Variants in SYNE3 observed in about 807,000 individuals in gnomAD.
SYNE3 encodes nesprin-3.
A neutral mutation model predicts 111.2 loss-of-function variants in SYNE3; 100 were observed. The ratio of observed to expected loss-of-function variants is 0.90; its 90% CI spans 0.77 to 1.06. SYNE3 has a LOEUF of 1.06. Ranked by LOEUF, SYNE3 falls within the 50% of genes least tolerant of loss-of-function variation. The probability of loss-of-function intolerance (pLI) is 0.00; values close to 1 mark genes in which losing one functional copy is unlikely to be tolerated. For synonymous variants in SYNE3, 547 were observed against 533.9 expected (o/e 1.02, Z -0.34); for missense variants, 1,160 against 1,240.3 (o/e 0.94, Z 0.97).
chr14:95,455,419 C>T lies in SYNE3; in HGVS notation c.1095G>A (p.Ala365=), dbSNP rs758900940. Residue 365 remains alanine (A), a synonymous_variant, in exon 6 of 18, where the codon GCG becomes GCA. Transcript: ENST00000682763. The stretch of plus-strand genomic sequence containing the variant: ...GTGCCACCAGCTCGTCCTCGGTCCC[C>T]GCTTTCGCCGCAGGCTGCAGGCCCT... ...AQEGLQPAAK[A]GTEDELVAHW... 120 of 1,569,752 alleles carry T rather than the reference C, an allele frequency of 7.6e-5. No homozygotes were observed. Among genetic ancestry groups the T allele is most frequent in the Non-Finnish European group, 1.0e-4 (119 of 1,159,224 alleles).
chr14:95,425,779 A>G (rs981187153), intron 17 of SYNE3, among the ~76,000 whole-genome samples: 1 of 152,232 alleles, frequency 6.6e-6, no homozygotes, highest in African/African-American at 2.4e-5. Flanking sequence ...AAGTCTATAA[A>G]TTCAAAAGAG....
chr14:95,424,268 G>A (rs1595174527), intron 17 of SYNE3, among the ~76,000 whole-genome samples: 2 of 151,994 alleles, frequency 1.3e-5, no homozygotes, highest in East Asian at 3.9e-4. Context: ...TAAACCAGAG[G>A]CCTGGAAGGA....
At chr14:95,462,932 G>T (rs772326035) in intron 4 of SYNE3, among the ~76,000 whole-genome samples, 5 of 152,190 alleles carry the variant, frequency 3.3e-5, no homozygotes, top group Admixed American at 2.0e-4. Flanking sequence ...GGCCAAGGCG[G>T]ATCACCTGAG....
At chr14:95,478,854 C>T (rs535668374) in intron 1 of SYNE3, among the ~76,000 whole-genome samples, 1 of 152,186 alleles carries the variant, frequency 6.6e-6, no homozygotes, top group African/African-American at 2.4e-5. Flanking sequence ...CATCCCCTAT[C>T]TCAGGTGGTC....
At chr14:95,456,682 C>G (rs1250755805) in intron 5 of SYNE3, among the ~76,000 whole-genome samples, 1 of 152,148 alleles carries the variant, frequency 6.6e-6, no homozygotes, top group African/African-American at 2.4e-5. Context: ...TCCATAAAGC[C>G]TCTGAGGACC....
intron 1 of SYNE3, among the ~76,000 whole-genome samples, chr14:95,515,304 T>C (rs1566694576): frequency 6.6e-6 from 1 of 152,252 alleles, no homozygotes; most frequent in Non-Finnish European, 1.5e-5. Context: ...CCACATGTGC[T>C]GGAGCATCCC....
At chr14:95,515,985 C>A (rs2757081) in intron 1 of SYNE3, among the ~76,000 whole-genome samples, 6 of 152,032 alleles carry the variant, frequency 3.9e-5, no homozygotes, top group African/African-American at 9.7e-5. Flanking sequence ...CTCTCTCAGG[C>A]CCTGCAAGCC....
intron 1 of SYNE3, among the ~76,000 whole-genome samples, chr14:95,508,290 T>G (rs1369401742): frequency 2.0e-5 from 3 of 152,214 alleles, no homozygotes; most frequent in African/African-American, 7.2e-5. Flanking sequence ...CAGTAAGCAC[T>G]GAACAGGTAT....
chr14:95,455,951 TTAA>T, intron 5 of SYNE3: 2 of 517,278 alleles, frequency 3.9e-6, no homozygotes, highest in Non-Finnish European at 6.8e-6. Flanking sequence ...AGCCATTTGA[TTAA>T]GTCAAGGAGA....
At chr14:95,495,196 C>A (rs1890036908) in intron 1 of SYNE3, among the ~76,000 whole-genome samples, 1 of 152,204 alleles carries the variant, frequency 6.6e-6, no homozygotes. Context: ...ACTGATTAAG[C>A]TTGCCAATGT....
intron 6 of SYNE3, among the ~76,000 whole-genome samples, chr14:95,453,017 G>T (rs1887191192): frequency 6.6e-6 from 1 of 152,190 alleles, no homozygotes; most frequent in Non-Finnish European, 1.5e-5. Flanking sequence ...GTTTGACCTT[G>T]ATCTGCAGGA....
Position 95,409,521 on chromosome 14 carries a change from C to G in SYNE3, c.*8305G>C. On this transcript the variant is annotated 3_prime_UTR_variant, in exon 18 of 18. Coordinates refer to ENST00000682763, the MANE Select transcript of SYNE3 (RefSeq NM_152592.6). ...GTCCCTCCTTATGATTGCTGTCTCT[C>G]GGCTGGACAAGGTGGTTGGGTTGGG... 2.5e-6 allele frequency: 1 copy of G among 398,220 alleles called. No individual in the cohort carries two copies. Among genetic ancestry groups the G allele is most frequent in the Middle Eastern group, 3.6e-4 (1 of 2,772 alleles). The allele number at this position is 398,220 out of a possible 1,614,324, so 24.7% of individuals were successfully genotyped here. A position where few individuals can be genotyped will look rare whatever the true frequency, so the allele number is the denominator to read the frequency against.
At chr14:95,510,522 C>G (rs575101275) in intron 1 of SYNE3, among the ~76,000 whole-genome samples, 1 of 152,172 alleles carries the variant, frequency 6.6e-6, no homozygotes, top group Non-Finnish European at 1.5e-5. Flanking sequence ...AGCACTTGGT[C>G]GGGTTTGGTG....
At chr14:95,441,534 A>T (rs1260921962) in intron 11 of SYNE3, among the ~76,000 whole-genome samples, 1 of 152,246 alleles carries the variant, frequency 6.6e-6, no homozygotes, top group Non-Finnish European at 1.5e-5. Context: ...GAATATAAAC[A>T]ATCAATAAGA....
At chr14:95,507,347 C>A (rs1324497661) in intron 1 of SYNE3, among the ~76,000 whole-genome samples, 11 of 152,218 alleles carry the variant, frequency 7.2e-5, no homozygotes, top group Non-Finnish European at 7.3e-5. Flanking sequence ...GCACTGGTTA[C>A]AAAGCGGAAG....
chr14:95,499,318 T>A lies in SYNE3; in HGVS notation c.-15+17278A>T, dbSNP rs182732161. 1.1e-4 allele frequency among the ~76,000 whole-genome samples: 16 copies of A among 152,198 alleles called. No individual in the cohort carries two copies. In the East Asian group the frequency reaches 2.9e-3, roughly 28 times the overall value. Reference sequence around the variant, plus strand: ...GCCTCACAGCCTCCACCTGAGAAAGTCCAAGAAGTTTAACAGGACATTCAA... The same window carrying A: ...GCCTCACAGCCTCCACCTGAGAAAGACCAAGAAGTTTAACAGGACATTCAA... On this transcript the variant is annotated intron_variant, in intron 1 of 17. Coordinates refer to ENST00000682763, the MANE Select transcript of SYNE3 (RefSeq NM_152592.6).
At chr14:95,510,399 C>T (rs1183675223) in intron 1 of SYNE3, among the ~76,000 whole-genome samples, 4 of 152,326 alleles carry the variant, frequency 2.6e-5, no homozygotes, top group South Asian at 4.1e-4. Flanking sequence ...GCCAAGCAGT[C>T]CTGGAACACA....
At chr14:95,515,914 T>C (rs181516925) in intron 1 of SYNE3, among the ~76,000 whole-genome samples, 1 of 152,320 alleles carries the variant, frequency 6.6e-6, no homozygotes, top group East Asian at 1.9e-4. Flanking sequence ...GCCACATCAA[T>C]GGGTCTGCTG....
At chr14:95,507,441 G>A (rs1890569694) in intron 1 of SYNE3, among the ~76,000 whole-genome samples, 1 of 152,198 alleles carries the variant, frequency 6.6e-6, no homozygotes, top group Non-Finnish European at 1.5e-5. Context: ...GACTAACCCT[G>A]CAGCTTCCTG....
Sources: gnomAD v4.1 joint callset for allele counts (sites outside exome capture counted in the v4.1 genomes callset) on GRCh38, gnomAD v4.1.1 for gene constraint, MANE v1.5 for transcripts, NCBI Gene and HGNC (gene_info 2026-07-23, HGNC 2026-07-21) for gene names.